The following PLCH1 variants were observed in gnomAD, a reference collection of about 807,000 sequenced individuals.
PLCH1 encodes phospholipase C eta 1.
PLCH1 carries 60 observed loss-of-function variants against 126.7 expected under a neutral mutation model. The ratio of observed to expected loss-of-function variants is 0.47; its 90% CI spans 0.38 to 0.59. PLCH1 has a LOEUF of 0.59. PLCH1 is among the 20% of genes least tolerant of loss of function. The pLI is 0.00. For missense variants in PLCH1, 1,723 were observed against 2,040.0 expected, an observed-to-expected ratio of 0.84 and a Z score of 2.99; for synonymous variants, 719 against 734.9, an observed-to-expected ratio of 0.98 and a Z score of 0.35.
intron 1 of PLCH1, chr3:155,743,514 A>G (rs1577397255): frequency 2.3e-6 from 1 of 444,412 alleles, no homozygotes; most frequent in Non-Finnish European, 4.5e-6. Flanking sequence ...CCTGGGCGAC[A>G]GAGCCAGACT....
intron 20 of PLCH1, 23 bp from the exon 21 acceptor site, chr3:155,488,130 T>C (rs1370023301): frequency 1.3e-6 from 2 of 1,521,226 alleles, no homozygotes; most frequent in Non-Finnish European, 9.1e-7. Flanking sequence ...AAGAGAGTCG[T>C]TTCTTTTTAG....
At chr3:155,605,874 G>A (rs1332415980) in intron 2 of PLCH1, among the ~76,000 whole-genome samples, 1 of 151,770 alleles carries the variant, frequency 6.6e-6, no homozygotes, top group South Asian at 2.1e-4. Flanking sequence ...AAAACAACTC[G>A]CCCTCCCTTT....
intron 2 of PLCH1, among the ~76,000 whole-genome samples, chr3:155,610,451 G>C (rs1734930029): frequency 6.9e-6 from 1 of 144,884 alleles, no homozygotes; most frequent in Admixed American, 6.9e-5. Context: ...AGAATCTTAA[G>C]AGCTGTGAGG....
chr3:155,547,204 AC>A (rs1725442614), intron 10 of PLCH1, among the ~76,000 whole-genome samples: 1 of 148,560 alleles, frequency 6.7e-6, no homozygotes, highest in Admixed American at 6.7e-5. Context: ...AAAAAAACAA[AC>A]AACCCCATCA....
intron 21 of PLCH1, among the ~76,000 whole-genome samples, chr3:155,474,838 A>C (rs1713455993): frequency 8.1e-6 from 1 of 122,824 alleles, no homozygotes; most frequent in African/African-American, 3.6e-5. Flanking sequence ...CAAAAAACCA[A>C]ACACCGCATA....
intron 2 of PLCH1, among the ~76,000 whole-genome samples, chr3:155,634,004 G>A (rs961862032): frequency 5.9e-5 from 9 of 152,078 alleles, no homozygotes; most frequent in East Asian, 3.9e-4. Context: ...TGCAATCCAC[G>A]TCTCCTCTAA....
intron 10 of PLCH1, among the ~76,000 whole-genome samples, chr3:155,541,402 A>T (rs1005854861): frequency 1.3e-5 from 2 of 152,180 alleles, no homozygotes; most frequent in African/African-American, 4.8e-5. Flanking sequence ...AATATTTTTT[A>T]AAAAGTAAGA....
At chr3:155,724,576 G>A (rs944197107) in intron 1 of PLCH1, among the ~76,000 whole-genome samples, 1 of 151,962 alleles carries the variant, frequency 6.6e-6, no homozygotes, top group African/African-American at 2.4e-5. Context: ...CTTGCTTTTG[G>A]TGTCCATTTG....
intron 2 of PLCH1, among the ~76,000 whole-genome samples, chr3:155,703,402 T>G (rs1458969214): frequency 6.6e-6 from 1 of 152,214 alleles, no homozygotes; most frequent in African/African-American, 2.4e-5. Context: ...TGGCACCACA[T>G]AAGTCTTTGG....
At chr3:155,552,051 T>C (rs970427460) in intron 9 of PLCH1, among the ~76,000 whole-genome samples, 3 of 152,192 alleles carry the variant, frequency 2.0e-5, no homozygotes. Flanking sequence ...TTCTTCCACG[T>C]GGGAGGCATC....
At chr3:155,722,726 T>C (rs1003624634) in intron 1 of PLCH1, among the ~76,000 whole-genome samples, 34 of 152,238 alleles carry the variant, frequency 2.2e-4, no homozygotes, top group African/African-American at 8.2e-4. Context: ...GGTTAGCTAG[T>C]ATTTTGTTGA....
intron 12 of PLCH1, among the ~76,000 whole-genome samples, chr3:155,506,484 C>T (rs1205853207): frequency 6.7e-6 from 1 of 148,836 alleles, no homozygotes; most frequent in Non-Finnish European, 1.5e-5. Flanking sequence ...GTATATCTCC[C>T]AATGTTATCC....
chr3:155,734,840 C>G (rs1293505201), intron 1 of PLCH1, among the ~76,000 whole-genome samples: 2 of 151,926 alleles, frequency 1.3e-5, no homozygotes, highest in Non-Finnish European at 2.9e-5. Context: ...TCCCCAGTAG[C>G]TGGGACTACA....
At chr3:155,644,558 G>A (rs979153613) in intron 2 of PLCH1, among the ~76,000 whole-genome samples, 4 of 152,040 alleles carry the variant, frequency 2.6e-5, no homozygotes, top group South Asian at 2.1e-4. Flanking sequence ...AGCTGAGGTC[G>A]CTTCACTGCA....
intron 21 of PLCH1, among the ~76,000 whole-genome samples, chr3:155,470,998 C>T (rs924331591): frequency 1.2e-4 from 18 of 151,722 alleles, no homozygotes; most frequent in African/African-American, 3.7e-4. Flanking sequence ...ACCATCGAGA[C>T]TAGGAAGAAA....
At chr3:155,500,109 T>C (rs1717670479) in intron 14 of PLCH1, among the ~76,000 whole-genome samples, 1 of 152,206 alleles carries the variant, frequency 6.6e-6, no homozygotes, top group Non-Finnish European at 1.5e-5. Flanking sequence ...TAATGAATCA[T>C]GTGTCACGAT....
intron 2 of PLCH1, among the ~76,000 whole-genome samples, chr3:155,690,563 C>T (rs1434246704): frequency 6.6e-6 from 1 of 152,092 alleles, no homozygotes; most frequent in Non-Finnish European, 1.5e-5. Flanking sequence ...TTTTTAAGCC[C>T]ATTGTACAAA....
intron 2 of PLCH1, among the ~76,000 whole-genome samples, chr3:155,699,934 ATCTTC>A (rs1746141429): frequency 6.6e-6 from 1 of 152,160 alleles, no homozygotes; most frequent in Admixed American, 6.5e-5. Flanking sequence ...AAGAAATCTT[ATCTTC>A]TCTTCAATGC....
At chr3:155,615,372 G>A (rs1489090614) in intron 2 of PLCH1, among the ~76,000 whole-genome samples, 1 of 152,128 alleles carries the variant, frequency 6.6e-6, no homozygotes, top group African/African-American at 2.4e-5. Flanking sequence ...AGAAAACAGT[G>A]TGGAGATTCC....
Sources: gnomAD v4.1 joint callset for allele counts (sites outside exome capture counted in the v4.1 genomes callset) on GRCh38, gnomAD v4.1.1 for gene constraint, MANE v1.5 for transcripts, NCBI Gene and HGNC (gene_info 2026-07-23, HGNC 2026-07-21) for gene names.